The following PLD5 variants were observed in gnomAD, a reference collection of about 807,000 sequenced individuals.
PLD5 encodes phospholipase D family member 5, also known as inactive phospholipase D5.
PLD5 carries 36 observed loss-of-function variants against 61.1 expected under a neutral mutation model. The observed-to-expected ratio is 0.59, with a 90% CI of 0.45 to 0.78. PLD5 has a LOEUF of 0.78. PLD5 is among the 30% of genes least tolerant of loss of function. The pLI, the probability that PLD5 is intolerant of heterozygous loss-of-function variation, is 0.00. For synonymous variants in PLD5, 243 were observed against 242.8 expected (o/e 1.00, Z -0.01); for missense variants, 515 against 644.4 (o/e 0.80, Z 2.17).
chr1:242,413,748 C>A (rs1418191472), intron 1 of PLD5, among the ~76,000 whole-genome samples: 1 of 152,132 alleles, frequency 6.6e-6, no homozygotes, highest in African/African-American at 2.4e-5. Context: ...GGCAGGCATC[C>A]CAGGCTGAGT....
At chr1:242,281,970 C>G in intron 3 of PLD5, among the ~76,000 whole-genome samples, 1 of 152,166 alleles carries the variant, frequency 6.6e-6, no homozygotes, top group Non-Finnish European at 1.5e-5. Flanking sequence ...CCCAGAGTCT[C>G]ACGTTTGCAG....
chr1:242,285,999 C>T (rs750030441), intron 3 of PLD5, among the ~76,000 whole-genome samples: 5 of 152,058 alleles, frequency 3.3e-5, no homozygotes, highest in Non-Finnish European at 7.4e-5. Flanking sequence ...ATCCCAGCTA[C>T]TCGGGAGGCT....
chr1:242,100,440 G>A (rs1660593337), intron 9 of PLD5, among the ~76,000 whole-genome samples: 1 of 152,192 alleles, frequency 6.6e-6, no homozygotes. Flanking sequence ...AACATTTATG[G>A]AAAGGCATCT....
chr1:242,510,785 C>T (rs1668882498), intron 1 of PLD5, among the ~76,000 whole-genome samples: 1 of 151,704 alleles, frequency 6.6e-6, no homozygotes. Flanking sequence ...GCAGAGTTTG[C>T]AGTGAGCCGA....
chr1:242,225,956 T>A (rs985384998), intron 4 of PLD5, among the ~76,000 whole-genome samples: 2 of 152,206 alleles, frequency 1.3e-5, no homozygotes, highest in Non-Finnish European at 2.9e-5. Flanking sequence ...ACTGCCAAAC[T>A]GTTTACCCAA....
At chr1:242,424,396 G>A (rs969990460) in intron 1 of PLD5, among the ~76,000 whole-genome samples, 3 of 152,132 alleles carry the variant, frequency 2.0e-5, no homozygotes, top group Non-Finnish European at 4.4e-5. Context: ...GATGATCCAA[G>A]TCCTTTATCT....
intron 5 of PLD5, among the ~76,000 whole-genome samples, chr1:242,126,146 A>G (rs1662766051): frequency 6.6e-6 from 1 of 152,282 alleles, no homozygotes; most frequent in South Asian, 2.1e-4. Flanking sequence ...TCTACAAAAC[A>G]CTGCTGAAAG....
At chr1:242,145,941 G>T (rs1664515987) in intron 5 of PLD5, among the ~76,000 whole-genome samples, 1 of 152,206 alleles carries the variant, frequency 6.6e-6, no homozygotes, top group South Asian at 2.1e-4. Flanking sequence ...CTCCCAAAGT[G>T]TTGGGATTAC....
At chr1:242,374,586 C>T (rs556632877) in intron 1 of PLD5, among the ~76,000 whole-genome samples, 7 of 152,254 alleles carry the variant, frequency 4.6e-5, no homozygotes, top group Admixed American at 4.6e-4. Context: ...TAACGTTCCC[C>T]TTTGCCTTTC....
intron 1 of PLD5, among the ~76,000 whole-genome samples, chr1:242,474,025 C>T (rs1296257811): frequency 2.0e-5 from 3 of 152,078 alleles, no homozygotes; most frequent in Admixed American, 6.6e-5. Flanking sequence ...ACTGTTAACC[C>T]ACGTGATAAT....
chr1:242,158,146 C>T (rs764570809), intron 5 of PLD5, among the ~76,000 whole-genome samples: 51 of 152,288 alleles, frequency 3.3e-4, no homozygotes, highest in Non-Finnish European at 6.6e-4. Flanking sequence ...CAATGGCAGA[C>T]GCCCCTTCCC....
intron 4 of PLD5, among the ~76,000 whole-genome samples, chr1:242,248,081 G>A (rs932876317): frequency 6.6e-6 from 1 of 152,096 alleles, no homozygotes; most frequent in Non-Finnish European, 1.5e-5. Flanking sequence ...TTGAACTACT[G>A]TTATCTTTTG....
At chr1:242,513,000 T>C (rs1003981923) in intron 1 of PLD5, among the ~76,000 whole-genome samples, 1 of 152,016 alleles carries the variant, frequency 6.6e-6, no homozygotes, top group African/African-American at 2.4e-5. Flanking sequence ...GCCTCCTGAG[T>C]AGCTGGGACT....
At chr1:242,390,360 A>G (rs1662858386) in intron 1 of PLD5, among the ~76,000 whole-genome samples, 1 of 152,210 alleles carries the variant, frequency 6.6e-6, no homozygotes, top group South Asian at 2.1e-4. Flanking sequence ...AGCAGAGAGA[A>G]ACAAGGAGAA....
chr1:242,245,161 G>C (rs1187131164), intron 4 of PLD5, among the ~76,000 whole-genome samples: 2 of 151,678 alleles, frequency 1.3e-5, no homozygotes, highest in East Asian at 3.9e-4. Context: ...CTGTGGGTTA[G>C]GAAAAGAAAA....
At chr1:242,261,901 AG>A (rs1461561961) in intron 4 of PLD5, among the ~76,000 whole-genome samples, 1 of 152,234 alleles carries the variant, frequency 6.6e-6, no homozygotes, top group African/African-American at 2.4e-5. Flanking sequence ...ACAACCACTT[AG>A]AAAACTGACT....
intron 1 of PLD5, among the ~76,000 whole-genome samples, chr1:242,394,802 G>GAA (rs1322815218): frequency 1.5e-5 from 1 of 67,640 alleles, no homozygotes; most frequent in African/African-American, 6.6e-5. Context: ...ATATATATGT[G>GAA]TATATATGTG....
rs981296462 is a variant in PLD5, at chr1:242,462,685, G to T, written c.189+61403C>A. On this transcript the variant is annotated intron_variant, in intron 1 of 9. Transcript: ENST00000536534. ...GCCTGGACTGTAACCCTCTCCAGGG[G>T]AGGCTGTGTTTTCTCCCTTAGACCT... 5.9e-5 allele frequency among the ~76,000 whole-genome samples: 9 copies of T among 152,160 alleles called. No individual in the cohort carries two copies. In the Middle Eastern group the frequency reaches 0.01, roughly 173 times the overall value.
intron 9 of PLD5, among the ~76,000 whole-genome samples, chr1:242,095,215 G>A (rs925677936): frequency 2.6e-5 from 4 of 151,818 alleles, no homozygotes; most frequent in Non-Finnish European, 4.4e-5. Context: ...AATTATAGGC[G>A]TGAGCCATCG....
Sources: gnomAD v4.1 joint callset for allele counts (sites outside exome capture counted in the v4.1 genomes callset) on GRCh38, gnomAD v4.1.1 for gene constraint, MANE v1.5 for transcripts, NCBI Gene and HGNC (gene_info 2026-07-23, HGNC 2026-07-21) for gene names.